SGCZ: variants seen among roughly 807,000 people sequenced by gnomAD.
SGCZ encodes the protein sarcoglycan zeta, also known as zeta-sarcoglycan.
A neutral mutation model predicts 41.3 loss-of-function variants in SGCZ; 40 were observed. That is an observed-to-expected ratio of 0.97 (90% CI 0.75 to 1.26). SGCZ has a LOEUF of 1.26. Ranked by LOEUF, SGCZ falls within the 50% of genes most tolerant of loss-of-function variation. SGCZ has a pLI of 0.00. For synonymous variants in SGCZ, 206 were observed against 137.5 expected, an observed-to-expected ratio of 1.50 and a Z score of -3.49; for missense variants, 552 against 369.8, an observed-to-expected ratio of 1.49 and a Z score of -4.04.
chr8:14,719,922 C>A (rs1809824294), intron 1 of SGCZ, among the ~76,000 whole-genome samples: 1 of 151,950 alleles, frequency 6.6e-6, no homozygotes, highest in African/African-American at 2.4e-5. Flanking sequence ...GACATGAAGT[C>A]CTTGTCCATG....
intron 2 of SGCZ, among the ~76,000 whole-genome samples, chr8:14,542,550 C>A (rs978688900): frequency 6.6e-6 from 1 of 152,160 alleles, no homozygotes; most frequent in African/African-American, 2.4e-5. Context: ...CATCCTGTTA[C>A]TTAGAGCACC....
chr8:14,099,495 G>T (rs1189960807), intron 7 of SGCZ, among the ~76,000 whole-genome samples: 1 of 152,252 alleles, frequency 6.6e-6, no homozygotes, highest in South Asian at 2.1e-4. Context: ...GGGAGGCTGA[G>T]GCGGGAGGAT....
chr8:15,109,414 G>A lies in SGCZ; in HGVS notation c.39+128171C>T, dbSNP rs192502893. ...TTGAGTACTTATTTCAAGTATAGCT[G>A]AGCATACAGGAAAAAATGTTTATAC... On this transcript the variant is annotated intron_variant, in intron 1 of 7. Coordinates refer to ENST00000382080, the MANE Select transcript of SGCZ (RefSeq NM_139167.4). 5.8e-4 allele frequency among the ~76,000 whole-genome samples: 89 copies of A among 152,150 alleles called. 1 individual carries two copies. Among genetic ancestry groups the A allele is most frequent in the South Asian group, 1.2e-3 (6 of 4,816 alleles).
chr8:14,269,165 G>A (rs1799975450), intron 3 of SGCZ, among the ~76,000 whole-genome samples: 1 of 151,984 alleles, frequency 6.6e-6, no homozygotes, highest in Non-Finnish European at 1.5e-5. Flanking sequence ...GCATTAGAGA[G>A]CAGCTTAAGG....
At chr8:14,154,050 G>A (rs1308583081) in intron 5 of SGCZ, among the ~76,000 whole-genome samples, 7 of 152,042 alleles carry the variant, frequency 4.6e-5, no homozygotes, top group African/African-American at 7.2e-5. Flanking sequence ...CCCTGATCTC[G>A]AACTTCTAGC....
intron 1 of SGCZ, among the ~76,000 whole-genome samples, chr8:15,009,974 A>T (rs926345196): frequency 6.6e-6 from 1 of 152,232 alleles, no homozygotes; most frequent in East Asian, 1.9e-4. Context: ...ATGTAATAAT[A>T]TAGCACAAAG....
chr8:14,275,056 G>A (rs913731412), intron 3 of SGCZ, among the ~76,000 whole-genome samples: 1 of 152,128 alleles, frequency 6.6e-6, no homozygotes, highest in Non-Finnish European at 1.5e-5. Context: ...AGGGATCAGT[G>A]AGTTGAATCT....
intron 1 of SGCZ, among the ~76,000 whole-genome samples, chr8:14,622,436 A>C (rs1397281): frequency 0.83 from 126,944 of 152,082 alleles, 53,311 homozygotes; most frequent in Non-Finnish European, 0.88. Flanking sequence ...GATATTCTTC[A>C]ATTCTCTAGC....
chr8:14,468,746 T>C (rs1187099185), intron 2 of SGCZ, among the ~76,000 whole-genome samples: 2 of 152,090 alleles, frequency 1.3e-5, no homozygotes, highest in African/African-American at 4.8e-5. Context: ...TCTCCTAGAC[T>C]TTCAATTCAG....
chr8:14,516,693 G>C (rs1802631716), intron 2 of SGCZ, among the ~76,000 whole-genome samples: 1 of 152,038 alleles, frequency 6.6e-6, no homozygotes, highest in Non-Finnish European at 1.5e-5. Context: ...TTCATATGAA[G>C]TGAGTTTTTC....
intron 2 of SGCZ, among the ~76,000 whole-genome samples, chr8:14,423,006 C>CA: frequency 6.6e-6 from 1 of 152,208 alleles, no homozygotes; most frequent in East Asian, 1.9e-4. Flanking sequence ...CCAGCCTGGG[C>CA]AACAGTGTGA....
intron 1 of SGCZ, among the ~76,000 whole-genome samples, chr8:14,827,113 A>G (rs73535008): frequency 0.14 from 20,773 of 151,634 alleles, 2,080 homozygotes; most frequent in African/African-American, 0.27. Context: ...TTTCTTAAGA[A>G]TATACCAGAC....
At chr8:14,979,770 T>C (rs2130878000) in intron 1 of SGCZ, among the ~76,000 whole-genome samples, 1 of 152,354 alleles carries the variant, frequency 6.6e-6, no homozygotes, top group East Asian at 1.9e-4. Flanking sequence ...AGGATATGAA[T>C]AGACAGTGAT....
intron 4 of SGCZ, among the ~76,000 whole-genome samples, chr8:14,232,072 T>C (rs1422046812): frequency 6.6e-6 from 1 of 151,924 alleles, no homozygotes; most frequent in Admixed American, 6.6e-5. Context: ...AAAACAAATT[T>C]TCAAAATTAT....
chr8:14,673,258 C>T (rs1000580676), intron 1 of SGCZ, among the ~76,000 whole-genome samples: 2 of 152,210 alleles, frequency 1.3e-5, no homozygotes, highest in Non-Finnish European at 2.9e-5. Context: ...ACCCAAATCT[C>T]ATCTCAAACT....
chr8:14,496,178 G>T (rs1172003665), intron 2 of SGCZ, among the ~76,000 whole-genome samples: 6 of 151,652 alleles, frequency 4.0e-5, no homozygotes, highest in African/African-American at 1.5e-4. Flanking sequence ...CAATCCTCCT[G>T]CCTCAGCCTC....
chr8:14,807,073 C>T (rs1174311606), intron 1 of SGCZ, among the ~76,000 whole-genome samples: 6 of 152,132 alleles, frequency 3.9e-5, no homozygotes, highest in East Asian at 3.9e-4. Flanking sequence ...ATTGATGGGA[C>T]ATATTTCAAA....
intron 1 of SGCZ, among the ~76,000 whole-genome samples, chr8:14,745,207 CTG>C (rs112838518): frequency 5.3e-5 from 8 of 150,894 alleles, no homozygotes; most frequent in African/African-American, 2.0e-4. Flanking sequence ...TTTAACACTA[CTG>C]TGTGTGTGTG....
intron 1 of SGCZ, among the ~76,000 whole-genome samples, chr8:15,079,176 A>C (rs1805652469): frequency 6.6e-6 from 1 of 152,086 alleles, no homozygotes; most frequent in African/African-American, 2.4e-5. Context: ...CACCTGTTTT[A>C]GTTTTTCCTC....
Sources: gnomAD v4.1 joint callset for allele counts (sites outside exome capture counted in the v4.1 genomes callset) on GRCh38, gnomAD v4.1.1 for gene constraint, MANE v1.5 for transcripts, NCBI Gene and HGNC (gene_info 2026-07-23, HGNC 2026-07-21) for gene names.